Variants in SH3KBP1 observed in about 807,000 individuals in gnomAD.
The protein encoded by SH3KBP1 is SH3 domain-containing kinase-binding protein 1.
SH3KBP1 carries 8 observed loss-of-function variants against 50.1 expected under a neutral mutation model. The ratio of observed to expected loss-of-function variants is 0.16; its 90% CI spans 0.09 to 0.29. The LOEUF (loss-of-function observed/expected upper bound fraction) is 0.29. Among genes scored for constraint, SH3KBP1 ranks in the 10% least tolerant of loss-of-function variants. SH3KBP1 has a pLI of 1.00. For synonymous variants in SH3KBP1, 227 were observed against 218.6 expected (o/e 1.04, Z -0.34); for missense variants, 377 against 535.2 (o/e 0.70, Z 2.92).
intron 8 of SH3KBP1, among the ~76,000 whole-genome samples, chrX:19,621,603 A>C (rs2067843331): frequency 8.9e-6 from 1 of 112,005 alleles, no homozygotes; most frequent in Non-Finnish European, 1.9e-5. Context: ...GGTTTTTAAA[A>C]ATCAAAAGAA....
At chrX:19,800,781 G>C (rs1474995759) in intron 2 of SH3KBP1, among the ~76,000 whole-genome samples, 1 of 112,042 alleles carries the variant, frequency 8.9e-6, no homozygotes, top group Non-Finnish European at 1.9e-5. Context: ...AGCCTATTGA[G>C]ATCAACGATC....
At chrX:19,756,896 C>T (rs1317888111) in intron 2 of SH3KBP1, among the ~76,000 whole-genome samples, 11 of 105,276 alleles carry the variant, frequency 1.0e-4, no homozygotes, top group Admixed American at 9.3e-4. Context: ...AAAAGCCTAA[C>T]GTATGCTAGC....
intron 3 of SH3KBP1, among the ~76,000 whole-genome samples, chrX:19,720,514 T>C (rs2064027625): frequency 8.9e-6 from 1 of 112,403 alleles, no homozygotes. Flanking sequence ...TGCAGAGTCA[T>C]TCAAGTGAAA....
chrX:19,662,572 G>A (rs1190952664), intron 6 of SH3KBP1, among the ~76,000 whole-genome samples: 1 of 111,282 alleles, frequency 9.0e-6, no homozygotes, highest in Non-Finnish European at 1.9e-5. Context: ...AAATTCTTTT[G>A]AAACACAAAT....
chrX:19,866,770 A>G (rs2068920855), intron 1 of SH3KBP1, among the ~76,000 whole-genome samples: 1 of 111,301 alleles, frequency 9.0e-6, no homozygotes. Context: ...TCTCATACAT[A>G]CAGCAGAAGT....
chrX:19,648,061 CTT>C (rs774121589), intron 6 of SH3KBP1: 2 of 373,468 alleles, frequency 5.4e-6, no homozygotes, highest in African/African-American at 5.1e-5. Context: ...TTCTCCCTCT[CTT>C]CTCTCTCTCC....
At chrX:19,610,990 T>A (rs1475723955) in intron 8 of SH3KBP1, among the ~76,000 whole-genome samples, 1 of 110,869 alleles carries the variant, frequency 9.0e-6, no homozygotes, top group African/African-American at 3.3e-5. Context: ...GTTCAAGAGA[T>A]CCTCCCACAT....
chrX:19,649,522 C>T (rs2062073327), intron 6 of SH3KBP1, among the ~76,000 whole-genome samples: 2 of 111,588 alleles, frequency 1.8e-5, no homozygotes. Context: ...CTGCTGTCAA[C>T]TTTTGTCTTT....
chrX:19,607,357 T>C (rs760867264), intron 9 of SH3KBP1, among the ~76,000 whole-genome samples: 4 of 112,294 alleles, frequency 3.6e-5, no homozygotes, highest in Non-Finnish European at 7.5e-5. Context: ...ACACCTGGAG[T>C]GAGGCAAACA....
intron 2 of SH3KBP1, among the ~76,000 whole-genome samples, chrX:19,812,870 G>A (rs2067246479): frequency 9.0e-6 from 1 of 111,035 alleles, no homozygotes; most frequent in South Asian, 3.8e-4. Context: ...AGATACTCAG[G>A]AGGCTGAGGA....
At chrX:19,847,312 T>C (rs983313730) in intron 1 of SH3KBP1, among the ~76,000 whole-genome samples, 13 of 111,458 alleles carry the variant, frequency 1.2e-4, no homozygotes, top group South Asian at 3.8e-4. Flanking sequence ...CAGAAGCTGA[T>C]GGGCCTCCTG....
intron 2 of SH3KBP1, among the ~76,000 whole-genome samples, chrX:19,765,968 T>C (rs1453031806): frequency 8.9e-6 from 1 of 112,147 alleles, no homozygotes; most frequent in East Asian, 2.8e-4. Context: ...TGAATACTAC[T>C]GTGCACATGG....
chrX:19,760,850 G>T, intron 2 of SH3KBP1, among the ~76,000 whole-genome samples: 1 of 110,630 alleles, frequency 9.0e-6, no homozygotes, highest in Non-Finnish European at 1.9e-5. Context: ...GGGCTAAGAA[G>T]GGATGGTTGA....
At chrX:19,649,725 T>C (rs2062078640) in intron 6 of SH3KBP1, among the ~76,000 whole-genome samples, 1 of 111,635 alleles carries the variant, frequency 9.0e-6, no homozygotes, top group Non-Finnish European at 1.9e-5. Flanking sequence ...CAAGATCCAG[T>C]GGTACAGCAT....
Position 19,757,562 on chromosome X carries a change from CAAA to C in SH3KBP1, c.163-11124_163-11122del, listed in dbSNP as rs35710169. Among the ~76,000 whole-genome samples, 437 of 78,426 alleles carry C rather than the reference CAAA, an allele frequency of 5.6e-3. 3 individuals carry two copies. Among genetic ancestry groups the C allele is most frequent in the African/African-American group, 0.017 (382 of 22,797 alleles). The allele number at this position is 78,426 out of a possible 115,157, so 68.1% of individuals were successfully genotyped here. On this transcript the variant is annotated intron_variant, in intron 2 of 17. Coordinates refer to ENST00000397821, the MANE Select transcript of SH3KBP1 (RefSeq NM_031892.3). Reference sequence around the variant, plus strand: ...CCCATTTGTCTATATTATCTTATGTCAAAAAAAAAAAAAAAAGCAGATTCACCG... The same window carrying C: ...CCCATTTGTCTATATTATCTTATGTCAAAAAAAAAAAAAGCAGATTCACCG...
intron 6 of SH3KBP1, among the ~76,000 whole-genome samples, chrX:19,682,380 T>C (rs1473065628): frequency 1.3e-5 from 1 of 74,461 alleles, no homozygotes; most frequent in Non-Finnish European, 2.5e-5. Context: ...ACACACACAG[T>C]CCTCCTACAC....
At chrX:19,873,493 A>C (rs2069132894) in intron 1 of SH3KBP1, among the ~76,000 whole-genome samples, 1 of 104,293 alleles carries the variant, frequency 9.6e-6, no homozygotes. Flanking sequence ...TAACATGGTG[A>C]GACCCTGTCT....
chrX:19,614,213 G>T (rs2067528019), intron 8 of SH3KBP1, among the ~76,000 whole-genome samples: 1 of 112,500 alleles, frequency 8.9e-6, no homozygotes, highest in South Asian at 3.6e-4. Flanking sequence ...TTCAGTATCG[G>T]GCCTCAGTCT....
intron 12 of SH3KBP1, among the ~76,000 whole-genome samples, chrX:19,570,881 A>T (rs2065987018): frequency 8.9e-6 from 1 of 111,951 alleles, no homozygotes; most frequent in African/African-American, 3.2e-5. Context: ...ACCTGAGCCC[A>T]GGGAAGTTGA....
Sources: allele counts gnomAD v4.1 joint callset (sites outside exome capture counted in the v4.1 genomes callset), GRCh38; gene constraint gnomAD v4.1.1; transcripts MANE v1.5; gene names NCBI Gene and HGNC (gene_info 2026-07-23, HGNC 2026-07-21).